STK24: variants seen among roughly 807,000 people sequenced by gnomAD.
STK24 encodes the protein serine/threonine-protein kinase 24.
In STK24, 21 loss-of-function variants were observed where a neutral mutation model predicts 55.6. The observed-to-expected ratio is 0.38, with a 90% CI of 0.27 to 0.54. The LOEUF (loss-of-function observed/expected upper bound fraction) is 0.54, where lower values mean the gene tolerates loss of function less well. Among genes scored for constraint, STK24 ranks in the 20% least tolerant of loss-of-function variants. The probability of loss-of-function intolerance (pLI) is 0.79; values close to 1 mark genes in which losing one functional copy is unlikely to be tolerated. For synonymous variants in STK24, 200 were observed against 215.2 expected (o/e 0.93, Z 0.62); for missense variants, 383 against 538.4 (o/e 0.71, Z 2.86).
chr13:98,490,152 T>A (rs1271474248), intron 2 of STK24, among the ~76,000 whole-genome samples: 1 of 152,064 alleles, frequency 6.6e-6, no homozygotes, highest in Non-Finnish European at 1.5e-5. Flanking sequence ...TGCATTTCTG[T>A]GACATTGAGG....
chr13:98,527,392 AC>A lies in STK24; in HGVS notation c.43-7920del, dbSNP rs1594641741. Among the ~76,000 whole-genome samples, 4 of 152,244 alleles carry A rather than the reference AC, an allele frequency of 2.6e-5. No individual in the cohort carries two copies. In the East Asian group the frequency reaches 7.7e-4, roughly 29 times the overall value. On this transcript the variant is annotated intron_variant, in intron 1 of 10. Transcript: ENST00000539966. The stretch of plus-strand genomic sequence containing the variant: ...ATCTGATTCCAGTGGCCAAGACCCC[AC>A]CCCAATTAGAGCGGTGGGAACATGT...
rs1431525234 is a variant in STK24, at chr13:98,447,953, C to A, written c.*5220G>T. 2 of 477,108 alleles carry A rather than the reference C, an allele frequency of 4.2e-6. No individual in the cohort carries two copies. Among genetic ancestry groups the A allele is most frequent in the East Asian group, 3.8e-5 (1 of 26,494 alleles). 29.6% of individuals were successfully genotyped at this position (477,108 alleles called of 1,614,324 possible). ...TGAAAATAGGAGGTAGCGTTCTCCCCAGCAACCAGAGGCCACCTCGCTCCT... is the reference window on the plus strand; with the variant it reads ...TGAAAATAGGAGGTAGCGTTCTCCCAAGCAACCAGAGGCCACCTCGCTCCT... On this transcript the variant is annotated 3_prime_UTR_variant, in exon 11 of 11. Coordinates refer to ENST00000539966, the MANE Select transcript of STK24 (RefSeq NM_001032296.4).
At chr13:98,517,544 C>T (rs540174383) in intron 2 of STK24, among the ~76,000 whole-genome samples, 1 of 152,250 alleles carries the variant, frequency 6.6e-6, no homozygotes, top group East Asian at 1.9e-4. Context: ...GCAGGAAAAT[C>T]GCTTGAACCC....
At chr13:98,514,821 AT>A (rs1895999443) in intron 2 of STK24, among the ~76,000 whole-genome samples, 1 of 152,222 alleles carries the variant, frequency 6.6e-6, no homozygotes, top group East Asian at 1.9e-4. Context: ...AGACTTGTGA[AT>A]TTTGAGTCTG....
intron 2 of STK24, among the ~76,000 whole-genome samples, chr13:98,500,697 C>T (rs1228878026): frequency 1.3e-5 from 2 of 150,688 alleles, no homozygotes; most frequent in Non-Finnish European, 3.0e-5. Flanking sequence ...TCCCACACCT[C>T]GCCCCTTCCT....
At chr13:98,504,138 G>GT (rs1462535703) in intron 2 of STK24, among the ~76,000 whole-genome samples, 1 of 152,028 alleles carries the variant, frequency 6.6e-6, no homozygotes, top group African/African-American at 2.4e-5. Flanking sequence ...ATTCCTAGTT[G>GT]ATTTTCCCAA....
Position 98,448,857 on chromosome 13 carries a change from A to G in STK24, c.*4316T>C, listed in dbSNP as rs1348357570. ...TAATAATAGGAAGTTAGTAGGACTC[A>G]CTTCTCTGATTAATAAGCAATTTGC... On this transcript the variant is annotated 3_prime_UTR_variant, in exon 11 of 11. Transcript: ENST00000539966. 1 of 152,134 alleles carries G rather than the reference A, an allele frequency of 6.6e-6. No individual in the cohort carries two copies. The highest frequency in any genetic ancestry group is 1.5e-5 in the Non-Finnish European group (1 of 68,236). 9.4% of individuals were successfully genotyped at this position (152,134 alleles called of 1,614,324 possible).
chr13:98,533,994 AG>A (rs1268978345), intron 1 of STK24, among the ~76,000 whole-genome samples: 2 of 152,260 alleles, frequency 1.3e-5, no homozygotes, highest in East Asian at 3.8e-4. Context: ...AAAGGCTCTG[AG>A]GCTCTCCTAG....
intron 1 of STK24, among the ~76,000 whole-genome samples, chr13:98,535,240 G>C (rs1896683075): frequency 6.6e-6 from 1 of 151,654 alleles, no homozygotes. Flanking sequence ...GGGAGGCTGA[G>C]GCAGGAGAAT....
At chr13:98,569,201 G>A (rs1897669357) in intron 1 of STK24, among the ~76,000 whole-genome samples, 1 of 152,120 alleles carries the variant, frequency 6.6e-6, no homozygotes, top group Non-Finnish European at 1.5e-5. Context: ...AGCAACACTG[G>A]AAGCTAAAAC....
intron 1 of STK24, among the ~76,000 whole-genome samples, chr13:98,541,136 T>C (rs977861591): frequency 6.6e-6 from 1 of 152,200 alleles, no homozygotes; most frequent in Non-Finnish European, 1.5e-5. Context: ...CTCACTAATG[T>C]CTTTAGCTGC....
At chr13:98,476,655 G>A (rs1263864234) in intron 3 of STK24, among the ~76,000 whole-genome samples, 1 of 152,202 alleles carries the variant, frequency 6.6e-6, no homozygotes, top group Non-Finnish European at 1.5e-5. Flanking sequence ...ACATCCGGAA[G>A]TACTTGTGGG....
At chr13:98,560,652 G>A (rs1897394128) in intron 1 of STK24, among the ~76,000 whole-genome samples, 1 of 152,160 alleles carries the variant, frequency 6.6e-6, no homozygotes, top group Admixed American at 6.5e-5. Flanking sequence ...GCCGACGTGG[G>A]TGGATCATTT....
chr13:98,493,911 T>C (rs1337594542), intron 2 of STK24, among the ~76,000 whole-genome samples: 2 of 150,288 alleles, frequency 1.3e-5, no homozygotes, highest in East Asian at 2.0e-4. Flanking sequence ...GGTGCGATCT[T>C]GGCTCACTGC....
rs1268389455 is a variant in STK24 at position 98,451,626 on chromosome 13, C to G, written c.*1547G>C. On this transcript the variant is annotated 3_prime_UTR_variant, in exon 11 of 11. Coordinates refer to ENST00000539966, the MANE Select transcript of STK24 (RefSeq NM_001032296.4). ...GCCACTAGACCAGCAGATAGCTGAG[C>G]TACATCCCCAAGCTCACCCACTAAC... 1.3e-5 allele frequency: 2 copies of G among 152,228 alleles called. No homozygotes were observed. Among genetic ancestry groups the G allele is most frequent in the Non-Finnish European group, 2.9e-5 (2 of 68,076 alleles). 9.4% of individuals were successfully genotyped at this position (152,228 alleles called of 1,614,324 possible).
At chr13:98,519,101 G>A (rs969043225) in intron 2 of STK24, 142 bp downstream of exon 2, 3 of 649,718 alleles carry the variant, frequency 4.6e-6, no homozygotes, top group Non-Finnish European at 8.1e-6. Flanking sequence ...ATCAAAGCCA[G>A]GTTCTTTTGA....
chr13:98,451,926 T>G lies in STK24; in HGVS notation c.*1247A>C, dbSNP rs1893215467. ...AACTCTTAAGGTCCCCGGCAACCGC[T>G]ACAGCAATCGCACAGATCAGCAACC... is the stretch of plus-strand genomic sequence containing the variant. On this transcript the variant is annotated 3_prime_UTR_variant, in exon 11 of 11. Coordinates refer to ENST00000539966, the MANE Select transcript of STK24 (RefSeq NM_001032296.4). 1 of 151,860 alleles carries G rather than the reference T, an allele frequency of 6.6e-6. No individual in the cohort carries two copies. The highest frequency in any genetic ancestry group is 6.6e-5 in the Admixed American group (1 of 15,244). The allele number at this position is 151,860 out of a possible 1,614,324, so 9.4% of individuals were successfully genotyped here.
At position 98,451,580 on chromosome 13, in the gene STK24, T is replaced by A. The variant is rs1893193179; in HGVS notation, c.*1593A>T. ...CAAGCATCTGTAGCTCAGGGCTCTG[T>A]CCCCTCCCTATAGCTTAGAGGCCAC... On this transcript the variant is annotated 3_prime_UTR_variant, in exon 11 of 11. Transcript: ENST00000539966. 6.6e-6 allele frequency: 1 copy of A among 152,090 alleles called. No individual in the cohort carries two copies. Among genetic ancestry groups the A allele is most frequent in the Non-Finnish European group, 1.5e-5 (1 of 68,040 alleles). The allele number at this position is 152,090 out of a possible 1,614,324, so 9.4% of individuals were successfully genotyped here. A position where few individuals can be genotyped will look rare whatever the true frequency, so the allele number is the denominator to read the frequency against.
chr13:98,573,331 C>T (rs1028640841), intron 1 of STK24, among the ~76,000 whole-genome samples: 8 of 152,184 alleles, frequency 5.3e-5, no homozygotes, highest in African/African-American at 1.9e-4. Context: ...GGTGTTCCTG[C>T]CTCCATCTGA....
Sources: allele counts gnomAD v4.1 joint callset (sites outside exome capture counted in the v4.1 genomes callset), GRCh38; gene constraint gnomAD v4.1.1; transcripts MANE v1.5; gene names NCBI Gene and HGNC (gene_info 2026-07-23, HGNC 2026-07-21).